FHIT: variants seen among roughly 807,000 people sequenced by gnomAD.
FHIT encodes the protein bis(5'-adenosyl)-triphosphatase.
Under a neutral mutation model 17.9 loss-of-function variants are expected in FHIT, and 19 were observed. The observed-to-expected ratio is 1.06, with a 90% confidence interval of 0.74 to 1.56. The LOEUF (loss-of-function observed/expected upper bound fraction) is 1.56. Among genes scored for constraint, FHIT ranks in the 40% most tolerant of loss-of-function variants. The pLI is 0.00. For missense variants in FHIT, 248 were observed against 189.2 expected, an observed-to-expected ratio of 1.31 and a Z score of -1.82; for synonymous variants, 81 against 69.7, an observed-to-expected ratio of 1.16 and a Z score of -0.81.
At chr3:60,356,680 C>G (rs1559848208) in intron 5 of FHIT, among the ~76,000 whole-genome samples, 1 of 133,340 alleles carries the variant, frequency 7.5e-6, no homozygotes, top group East Asian at 2.5e-4. Flanking sequence ...TGATTTGAGA[C>G]TGACAAAAAT....
intron 5 of FHIT, among the ~76,000 whole-genome samples, chr3:60,386,753 C>T (rs1396940906): frequency 3.3e-5 from 5 of 152,212 alleles, no homozygotes; most frequent in South Asian, 4.1e-4. Context: ...CCAACCTACA[C>T]TCTCATTTGT....
intron 5 of FHIT, among the ~76,000 whole-genome samples, chr3:60,030,314 C>G (rs1700948063): frequency 6.6e-6 from 1 of 152,152 alleles, no homozygotes; most frequent in Admixed American, 6.5e-5. Context: ...GCAGCTATAG[C>G]TGTATGTTTT....
chr3:59,813,958 A>C (rs1700500200), intron 8 of FHIT, among the ~76,000 whole-genome samples: 1 of 152,012 alleles, frequency 6.6e-6, no homozygotes, highest in African/African-American at 2.4e-5. Flanking sequence ...TGTGCTCACA[A>C]ATGACCTGAT....
chr3:59,984,393 CT>C (rs902176500), intron 7 of FHIT, among the ~76,000 whole-genome samples: 6 of 132,952 alleles, frequency 4.5e-5, no homozygotes, highest in African/African-American at 1.7e-4. Context: ...CTCAAATCCA[CT>C]GGGGGGGGCT....
chr3:60,668,464 C>A (rs550854406), intron 4 of FHIT, among the ~76,000 whole-genome samples: 2 of 150,166 alleles, frequency 1.3e-5, no homozygotes, highest in Non-Finnish European at 3.0e-5. Context: ...AGGAAACACT[C>A]GGTCTAGGTG....
intron 4 of FHIT, among the ~76,000 whole-genome samples, chr3:60,728,604 T>C (rs537653640): frequency 6.6e-6 from 1 of 152,068 alleles, no homozygotes; most frequent in South Asian, 2.1e-4. Context: ...TTAAAAAAAA[T>C]TGTTTATTGT....
chr3:59,965,962 T>C (rs1182469041), intron 7 of FHIT, among the ~76,000 whole-genome samples: 2 of 152,110 alleles, frequency 1.3e-5, no homozygotes. Context: ...TGTCACCGTC[T>C]TAAAGGCCTT....
At chr3:60,151,528 G>A (rs573764629) in intron 5 of FHIT, among the ~76,000 whole-genome samples, 3 of 151,932 alleles carry the variant, frequency 2.0e-5, no homozygotes, top group Admixed American at 1.3e-4. Flanking sequence ...CACCTCTAAC[G>A]TCCTCCCATT....
intron 1 of FHIT, among the ~76,000 whole-genome samples, chr3:61,212,607 A>G (rs1323561947): frequency 3.9e-5 from 6 of 152,226 alleles, no homozygotes; most frequent in Admixed American, 6.5e-5. Flanking sequence ...AACTTCCCCA[A>G]TCTAGCAAGG....
At chr3:60,438,999 C>T (rs867510410) in intron 5 of FHIT, among the ~76,000 whole-genome samples, 12 of 152,110 alleles carry the variant, frequency 7.9e-5, no homozygotes, top group African/African-American at 2.7e-4. Flanking sequence ...AGAGCCATTG[C>T]TTCCATTACT....
At chr3:60,510,178 C>T (rs2034894872) in intron 5 of FHIT, among the ~76,000 whole-genome samples, 1 of 152,074 alleles carries the variant, frequency 6.6e-6, no homozygotes, top group Non-Finnish European at 1.5e-5. Context: ...AAAAGGAAAC[C>T]CAATGCCTGA....
At chr3:60,718,164 T>C (rs1333496221) in intron 4 of FHIT, among the ~76,000 whole-genome samples, 2 of 151,518 alleles carry the variant, frequency 1.3e-5, no homozygotes, top group Admixed American at 1.3e-4. Flanking sequence ...TTTTAAAAGG[T>C]TTTATCTTAT....
rs1314400790 is a variant in FHIT, at chr3:60,709,295, T to C, written c.-18+112624A>G. ...AACATCACATTAATATTTAGCCTAATAGAAGACAGGTGGATTCTCCTATCT... is the reference window on the plus strand; with the variant it reads ...AACATCACATTAATATTTAGCCTAACAGAAGACAGGTGGATTCTCCTATCT... On this transcript the variant is annotated intron_variant, in intron 4 of 9. Coordinates refer to ENST00000492590, the MANE Select transcript of FHIT (RefSeq NM_002012.4). Among the ~76,000 whole-genome samples, 5 of 152,354 alleles carry C rather than the reference T, an allele frequency of 3.3e-5. No individual in the cohort carries two copies. The East Asian group carries it at 9.6e-4, about 29-fold the overall frequency.
chr3:59,864,612 C>T (rs937427737), intron 8 of FHIT, among the ~76,000 whole-genome samples: 15 of 151,400 alleles, frequency 9.9e-5, no homozygotes, highest in African/African-American at 3.6e-4. Context: ...AACCCGCAGC[C>T]CTATATCCTG....
chr3:60,993,075 T>C (rs971487184), intron 3 of FHIT, among the ~76,000 whole-genome samples: 1 of 152,172 alleles, frequency 6.6e-6, no homozygotes, highest in Non-Finnish European at 1.5e-5. Context: ...GGCCATATCA[T>C]CACAACCTGA....
At chr3:59,968,896 T>C (rs1367241282) in intron 7 of FHIT, among the ~76,000 whole-genome samples, 3 of 152,192 alleles carry the variant, frequency 2.0e-5, no homozygotes, top group Admixed American at 2.0e-4. Context: ...CAATGCAGCC[T>C]GTGGCAGTGC....
chr3:60,094,136 A>G (rs376144812), intron 5 of FHIT, among the ~76,000 whole-genome samples: 8 of 152,312 alleles, frequency 5.3e-5, no homozygotes, highest in African/African-American at 1.9e-4. Flanking sequence ...TGAAGTTTCT[A>G]AGAGAATCTA....
At chr3:61,043,223 T>C (rs2033611972) in intron 2 of FHIT, among the ~76,000 whole-genome samples, 2 of 152,068 alleles carry the variant, frequency 1.3e-5, no homozygotes, top group African/African-American at 2.4e-5. Flanking sequence ...CTGTGACAAA[T>C]GGTACCTGGA....
chr3:60,450,590 A>G (rs1330460444), intron 5 of FHIT, among the ~76,000 whole-genome samples: 2 of 152,162 alleles, frequency 1.3e-5, no homozygotes, highest in African/African-American at 4.8e-5. Context: ...GAGCAGGAAG[A>G]GAGATTTTAA....
Sources: allele counts gnomAD v4.1 joint callset (sites outside exome capture counted in the v4.1 genomes callset), GRCh38; gene constraint gnomAD v4.1.1; transcripts MANE v1.5; gene names NCBI Gene and HGNC (gene_info 2026-07-23, HGNC 2026-07-21).